The following RBFOX1 variants were observed in gnomAD, a reference collection of about 807,000 sequenced individuals.
RBFOX1 encodes the protein RNA binding protein fox-1 homolog 1.
A neutral mutation model predicts 57.7 loss-of-function variants in RBFOX1; 8 were observed. The observed-to-expected ratio is 0.14, with a 90% CI of 0.08 to 0.25. RBFOX1 has a LOEUF of 0.25. Among genes scored for constraint, RBFOX1 ranks in the 10% least tolerant of loss-of-function variants. The probability of loss-of-function intolerance (pLI) is 1.00; values close to 1 mark genes in which losing one functional copy is unlikely to be tolerated. For synonymous variants in RBFOX1, 326 were observed against 222.4 expected, an observed-to-expected ratio of 1.47 and a Z score of -4.15; for missense variants, 611 against 548.5, an observed-to-expected ratio of 1.11 and a Z score of -1.14.
chr16:6,487,915 T>C (rs1220520188), intron 2 of RBFOX1, among the ~76,000 whole-genome samples: 1 of 151,850 alleles, frequency 6.6e-6, no homozygotes, highest in Non-Finnish European at 1.5e-5. Flanking sequence ...AACCAGCCGC[T>C]TTAATGATCT....
chr16:5,761,299 T>G (rs962564284), intron 3 of RBFOX1, among the ~76,000 whole-genome samples: 5 of 152,190 alleles, frequency 3.3e-5, no homozygotes, highest in Admixed American at 3.3e-4. Flanking sequence ...GCCCCCCAAC[T>G]TTTTAAAATG....
At position 7,209,979 on chromosome 16, in the gene RBFOX1, G is replaced by A. The variant is rs564536495; in HGVS notation, c.27+157881G>A. On this transcript the variant is annotated intron_variant, in intron 4 of 15. Coordinates refer to ENST00000550418, the MANE Select transcript of RBFOX1 (RefSeq NM_018723.4). ...TTTTAAGCCCCATTGATTCACCTGTGCTTATTAAACTGCCTTGCCTCTAAA... is the reference window on the plus strand; with the variant it reads ...TTTTAAGCCCCATTGATTCACCTGTACTTATTAAACTGCCTTGCCTCTAAA... Among the ~76,000 whole-genome samples the A allele has an allele frequency of 5.9e-5, 9 of 152,280 alleles. No homozygotes were observed. In the East Asian group the frequency reaches 1.7e-3, roughly 29 times the overall value.
At chr16:5,681,305 C>T (rs1181045468) in intron 3 of RBFOX1, among the ~76,000 whole-genome samples, 3 of 149,020 alleles carry the variant, frequency 2.0e-5, no homozygotes, top group Admixed American at 6.7e-5. Flanking sequence ...AGGATGGTCT[C>T]GATCTCCTGA....
intron 3 of RBFOX1, among the ~76,000 whole-genome samples, chr16:6,852,752 C>G (rs2094137534): frequency 6.6e-6 from 1 of 152,002 alleles, no homozygotes; most frequent in South Asian, 2.1e-4. Flanking sequence ...AGGTGAGATG[C>G]ATGCTGGGAA....
intron 4 of RBFOX1, among the ~76,000 whole-genome samples, chr16:7,061,678 A>G (rs1043840476): frequency 6.6e-6 from 1 of 152,172 alleles, no homozygotes; most frequent in African/African-American, 2.4e-5. Context: ...TTCCAGGGAA[A>G]ATCTATTCCC....
At chr16:5,954,628 A>T (rs2059586972) in intron 4 of RBFOX1, among the ~76,000 whole-genome samples, 1 of 152,118 alleles carries the variant, frequency 6.6e-6, no homozygotes, top group Non-Finnish European at 1.5e-5. Flanking sequence ...TCAGCTCTGG[A>T]AACTGTAATG....
At chr16:5,661,245 C>CA (rs148916363) in intron 3 of RBFOX1, among the ~76,000 whole-genome samples, 6,490 of 152,238 alleles carry the variant, frequency 0.043, 472 homozygotes, top group African/African-American at 0.15. Flanking sequence ...GAAAATATAA[C>CA]AATGAGTAAT....
chr16:5,706,440 G>C (rs28502701), intron 3 of RBFOX1, among the ~76,000 whole-genome samples: 9,502 of 152,190 alleles, frequency 0.062, 974 homozygotes, highest in African/African-American at 0.21. Context: ...TTATTTCCCT[G>C]GTGCTCCCCC....
intron 2 of RBFOX1, among the ~76,000 whole-genome samples, chr16:5,484,609 C>A (rs1419430960): frequency 6.6e-6 from 1 of 152,090 alleles, no homozygotes; most frequent in African/African-American, 2.4e-5. Context: ...GAGACCTTGT[C>A]TGTACAAAAA....
At chr16:5,356,120 A>G (rs982490343) in intron 1 of RBFOX1, among the ~76,000 whole-genome samples, 1 of 152,176 alleles carries the variant, frequency 6.6e-6, no homozygotes, top group African/African-American at 2.4e-5. Context: ...CGTGAGGCAT[A>G]GACAGGCACA....
chr16:7,405,253 G>T (rs573645614), intron 4 of RBFOX1, among the ~76,000 whole-genome samples: 1 of 152,184 alleles, frequency 6.6e-6, no homozygotes, highest in Non-Finnish European at 1.5e-5. Flanking sequence ...AAATTAGCAC[G>T]GCGCAGCGCT....
In RBFOX1 at chr16:6,539,974, T is replaced by C. The variant is rs545751459; in HGVS notation, c.-63-114629T>C. 5.3e-5 allele frequency among the ~76,000 whole-genome samples: 8 copies of C among 152,258 alleles called. No individual in the cohort carries two copies. The East Asian group carries it at 9.7e-4, about 18-fold the overall frequency. ...AGCCAGCCAATGAAAAAATTACCAA[T>C]GTCTTAACAGAAAGGAACTTTGTTA... On this transcript the variant is annotated intron_variant, in intron 2 of 15. Coordinates refer to ENST00000550418, the MANE Select transcript of RBFOX1 (RefSeq NM_018723.4).
At chr16:6,792,403 A>C (rs1198224368) in intron 3 of RBFOX1, among the ~76,000 whole-genome samples, 1 of 152,208 alleles carries the variant, frequency 6.6e-6, no homozygotes, top group African/African-American at 2.4e-5. Context: ...TTTTTGATTT[A>C]GCAAATAGGT....
chr16:7,465,458 G>A (rs949050748), intron 4 of RBFOX1, among the ~76,000 whole-genome samples: 14 of 152,152 alleles, frequency 9.2e-5, no homozygotes, highest in African/African-American at 3.1e-4. Context: ...GAGCAGCACC[G>A]TCATCTCTAC....
intron 3 of RBFOX1, among the ~76,000 whole-genome samples, chr16:6,800,533 C>A (rs751314905): frequency 6.6e-6 from 1 of 152,094 alleles, no homozygotes; most frequent in East Asian, 1.9e-4. Context: ...GCCGCCCTTC[C>A]GTGCACGCTA....
chr16:7,119,430 T>A (rs146502491), intron 4 of RBFOX1, among the ~76,000 whole-genome samples: 1,695 of 152,218 alleles, frequency 0.011, 33 homozygotes, highest in African/African-American at 0.039. Flanking sequence ...CAAATTACTT[T>A]GGCAGACAGA....
chr16:6,209,467 C>T (rs79013738), intron 1 of RBFOX1, among the ~76,000 whole-genome samples: 4 of 152,170 alleles, frequency 2.6e-5, no homozygotes, highest in Non-Finnish European at 5.9e-5. Context: ...AGCTTAATGC[C>T]GTCTCATCTA....
chr16:6,700,827 T>C (rs558337171), intron 3 of RBFOX1, among the ~76,000 whole-genome samples: 6 of 152,256 alleles, frequency 3.9e-5, no homozygotes, highest in Admixed American at 1.3e-4. Context: ...TCATGACATA[T>C]AGAATTTATC....
chr16:6,483,740 T>A, intron 2 of RBFOX1: 1 of 1,427,346 alleles, frequency 7.0e-7, no homozygotes, highest in Non-Finnish European at 9.2e-7. Context: ...TTTGGCTGCC[T>A]GTGGCAGAGG....
Sources: allele counts gnomAD v4.1 joint callset (sites outside exome capture counted in the v4.1 genomes callset), GRCh38; gene constraint gnomAD v4.1.1; transcripts MANE v1.5; gene names NCBI Gene and HGNC (gene_info 2026-07-23, HGNC 2026-07-21).